SLCO5A1: variants seen among roughly 807,000 people sequenced by gnomAD.
SLCO5A1 encodes the protein organic anion transporter polypeptide-related protein 4.
SLCO5A1 carries 39 observed loss-of-function variants against 65.1 expected under a neutral mutation model. That is an observed-to-expected ratio of 0.60 (90% CI 0.46 to 0.78). SLCO5A1 has a LOEUF of 0.78. Among genes scored for constraint, SLCO5A1 ranks in the 30% least tolerant of loss-of-function variants. SLCO5A1 has a pLI of 0.00. For synonymous variants in SLCO5A1, 438 were observed against 415.7 expected, an observed-to-expected ratio of 1.05 and a Z score of -0.65; for missense variants, 1,029 against 1,069.4, an observed-to-expected ratio of 0.96 and a Z score of 0.53.
chr8:69,816,469 C>T (rs1435557222), intron 2 of SLCO5A1, among the ~76,000 whole-genome samples: 1 of 152,128 alleles, frequency 6.6e-6, no homozygotes, highest in Non-Finnish European at 1.5e-5. Flanking sequence ...TGTGGGACCC[C>T]CATCTCTTTT....
At chr8:69,814,359 G>A (rs1438079382) in intron 2 of SLCO5A1, among the ~76,000 whole-genome samples, 1 of 152,082 alleles carries the variant, frequency 6.6e-6, no homozygotes, top group African/African-American at 2.4e-5. Context: ...AAATAGGCAA[G>A]GGACTTGAAT....
At chr8:69,813,643 G>GAACAT (rs1407155292) in intron 2 of SLCO5A1, among the ~76,000 whole-genome samples, 1 of 152,188 alleles carries the variant, frequency 6.6e-6, no homozygotes, top group Admixed American at 6.5e-5. Context: ...GGGAGGTGGA[G>GAACAT]AACATGCTCA....
intron 6 of SLCO5A1, among the ~76,000 whole-genome samples, chr8:69,686,122 A>G (rs1813988361): frequency 6.6e-6 from 1 of 151,908 alleles, no homozygotes; most frequent in Non-Finnish European, 1.5e-5. Flanking sequence ...AACTTTTTTA[A>G]GGGACTTCTG....
At chr8:69,757,295 G>A (rs867829348) in intron 3 of SLCO5A1, among the ~76,000 whole-genome samples, 2 of 152,110 alleles carry the variant, frequency 1.3e-5, no homozygotes, top group Non-Finnish European at 2.9e-5. Context: ...CCAGCCCAGT[G>A]CCTGACACAG....
intron 4 of SLCO5A1, among the ~76,000 whole-genome samples, chr8:69,744,259 T>A (rs73285581): frequency 0.013 from 1,971 of 152,314 alleles, 46 homozygotes; most frequent in African/African-American, 0.045. Context: ...CCAGCTACCA[T>A]GAACACCACT....
At chr8:69,738,881 A>G (rs1816680162) in intron 4 of SLCO5A1, among the ~76,000 whole-genome samples, 1 of 152,210 alleles carries the variant, frequency 6.6e-6, no homozygotes, top group Non-Finnish European at 1.5e-5. Flanking sequence ...CCTTGAGTCT[A>G]GGCATTTATT....
chr8:69,792,166 T>C (rs1819298578), intron 2 of SLCO5A1, among the ~76,000 whole-genome samples: 1 of 152,034 alleles, frequency 6.6e-6, no homozygotes, highest in Non-Finnish European at 1.5e-5. Flanking sequence ...TTAAAAGATA[T>C]AGATTAATAC....
chr8:69,782,492 A>T (rs2130883826), intron 2 of SLCO5A1, among the ~76,000 whole-genome samples: 1 of 149,552 alleles, frequency 6.7e-6, no homozygotes, highest in East Asian at 2.0e-4. Context: ...AGATGGGAGG[A>T]TATCTTGGGC....
chr8:69,717,400 T>C (rs1815601810), intron 5 of SLCO5A1, among the ~76,000 whole-genome samples: 1 of 152,220 alleles, frequency 6.6e-6, no homozygotes, highest in Non-Finnish European at 1.5e-5. Context: ...CAAAAATCAG[T>C]TGACAATAAA....
chr8:69,679,758 C>A (rs551903332), intron 7 of SLCO5A1, 139 bp from the exon 8 acceptor site: 55 of 1,207,806 alleles, frequency 4.6e-5, no homozygotes, highest in East Asian at 7.1e-5. Flanking sequence ...ATTGAAAGTA[C>A]CTTCCTCATT....
chr8:69,679,646 G>T (rs775917841), intron 7 of SLCO5A1, 27 bp from the exon 8 acceptor site: 2 of 1,607,132 alleles, frequency 1.2e-6, no homozygotes, highest in Non-Finnish European at 1.7e-6. Context: ...AAGATGAGTT[G>T]TGTGCCCCTC....
chr8:69,756,326 A>T (rs561207558), intron 3 of SLCO5A1, among the ~76,000 whole-genome samples: 1 of 152,182 alleles, frequency 6.6e-6, no homozygotes, highest in Admixed American at 6.5e-5. Flanking sequence ...AATCACTTGA[A>T]CTTGGGAGGC....
intron 2 of SLCO5A1, among the ~76,000 whole-genome samples, chr8:69,764,566 G>C (rs1008377365): frequency 2.0e-5 from 3 of 152,160 alleles, no homozygotes; most frequent in African/African-American, 7.2e-5. Flanking sequence ...AGAGCCACAA[G>C]TAATTCGTAC....
At chr8:69,728,114 G>C (rs1001981213) in intron 5 of SLCO5A1, among the ~76,000 whole-genome samples, 2 of 152,066 alleles carry the variant, frequency 1.3e-5, no homozygotes, top group Non-Finnish European at 2.9e-5. Context: ...AAATGAGCAA[G>C]GTCTCTAGAC....
chr8:69,774,202 G>A (rs554979665), intron 2 of SLCO5A1, among the ~76,000 whole-genome samples: 20 of 152,168 alleles, frequency 1.3e-4, no homozygotes, highest in South Asian at 8.3e-4. Context: ...CTGCAGCTTC[G>A]TCCTTACATC....
chr8:69,802,377 A>G (rs1451349385), intron 2 of SLCO5A1, among the ~76,000 whole-genome samples: 1 of 151,992 alleles, frequency 6.6e-6, no homozygotes, highest in Non-Finnish European at 1.5e-5. Context: ...GTGGTGGCGC[A>G]TGCCTGCAGT....
intron 9 of SLCO5A1, 86 bp from the exon 10 acceptor site, chr8:69,673,412 T>C (rs1293872754): frequency 2.5e-6 from 3 of 1,217,924 alleles, no homozygotes; most frequent in African/African-American, 3.0e-5. Flanking sequence ...GGTACTTGTG[T>C]GCTCTAAAAC....
intron 2 of SLCO5A1, among the ~76,000 whole-genome samples, chr8:69,784,036 A>G (rs1401936054): frequency 2.0e-5 from 3 of 152,158 alleles, no homozygotes; most frequent in South Asian, 2.1e-4. Flanking sequence ...CTTTCTCTCA[A>G]TGTTGCTGTG....
chr8:69,674,376 G>GGATA (rs1813463104), intron 9 of SLCO5A1, among the ~76,000 whole-genome samples: 1 of 152,132 alleles, frequency 6.6e-6, no homozygotes, highest in African/African-American at 2.4e-5. Context: ...AAGGCAGAGA[G>GGATA]GATAGGCAGG....
Sources: allele counts gnomAD v4.1 joint callset (sites outside exome capture counted in the v4.1 genomes callset), GRCh38; gene constraint gnomAD v4.1.1; transcripts MANE v1.5; gene names NCBI Gene and HGNC (gene_info 2026-07-23, HGNC 2026-07-21).